PYROXD1: variants seen among roughly 807,000 people sequenced by gnomAD.
The protein encoded by PYROXD1 is pyridine nucleotide-disulphide oxidoreductase domain 1, also known as tRNA ligase complex-associated NAD(P)H dehydrogenase PYROXD1.
A neutral mutation model predicts 62.0 loss-of-function variants in PYROXD1; 42 were observed. The ratio of observed to expected loss-of-function variants is 0.68; its 90% CI spans 0.53 to 0.88. The LOEUF is 0.88. Ranked by LOEUF, PYROXD1 falls within the 40% of genes least tolerant of loss-of-function variation. The probability of loss-of-function intolerance (pLI) is 0.00; values close to 1 mark genes in which losing one functional copy is unlikely to be tolerated. For missense variants in PYROXD1, 493 were observed against 604.8 expected, an observed-to-expected ratio of 0.82 and a Z score of 1.94; for synonymous variants, 170 against 206.4, an observed-to-expected ratio of 0.82 and a Z score of 1.51.
intron 7 of PYROXD1, among the ~76,000 whole-genome samples, chr12:21,458,237 G>T (rs924208714): frequency 6.6e-6 from 1 of 152,148 alleles, no homozygotes; most frequent in African/African-American, 2.4e-5. Flanking sequence ...TAAACATCAT[G>T]AACCAACCTC....
chr12:21,460,234 T>TATTA (rs76516114), intron 7 of PYROXD1, among the ~76,000 whole-genome samples: 74,187 of 151,150 alleles, frequency 0.49, 18,229 homozygotes, highest in Middle Eastern at 0.59. Flanking sequence ...CAGATCCTAA[T>TATTA]ATTATATTTT....
rs1335901770 is a variant in PYROXD1, at chr12:21,437,798, T to A, written c.68T>A (p.Val23Asp). Residue 23 changes from valine (V) to aspartate (D), a missense_variant, in exon 1 of 12, where the codon GTC (valine) becomes GAC (aspartate). Val to Asp is a radical substitution (Grantham distance 152). Coordinates refer to ENST00000240651, the MANE Select transcript of PYROXD1 (RefSeq NM_024854.5). Reference protein sequence around the residue: ...FVVVGGGIAGVTCAEQLATHF... With the variant: ...FVVVGGGIAGDTCAEQLATHF... ...GTGGTCGGCGGCGGCATCGCGGGCG[T>A]CACTTGTGCGGAGCAGGTAGGGCGG... is the stretch of plus-strand genomic sequence containing the variant. 2 of 1,612,694 alleles carry A rather than the reference T, an allele frequency of 1.2e-6. No individual in the cohort carries two copies. Among genetic ancestry groups the A allele is most frequent in the East Asian group, 4.5e-5 (2 of 44,848 alleles).
intron 10 of PYROXD1, among the ~76,000 whole-genome samples, chr12:21,464,614 A>G (rs1942757763): frequency 1.3e-5 from 2 of 152,156 alleles, no homozygotes; most frequent in African/African-American, 4.8e-5. Flanking sequence ...ATAGTTACAG[A>G]GTAGGTAGTG....
intron 10 of PYROXD1, among the ~76,000 whole-genome samples, chr12:21,464,191 T>C (rs1942749733): frequency 6.7e-6 from 1 of 150,100 alleles, no homozygotes; most frequent in African/African-American, 2.5e-5. Flanking sequence ...TCTTAATGTG[T>C]TATAATCTGA....
chr12:21,459,049 C>G (rs1338433036), intron 7 of PYROXD1, among the ~76,000 whole-genome samples: 1 of 152,174 alleles, frequency 6.6e-6, no homozygotes, highest in Admixed American at 6.5e-5. Flanking sequence ...CTGCAGTTTT[C>G]TGGCACACAA....
intron 10 of PYROXD1, among the ~76,000 whole-genome samples, chr12:21,464,802 T>G (rs904753848): frequency 6.6e-6 from 1 of 152,050 alleles, no homozygotes; most frequent in African/African-American, 2.4e-5. Flanking sequence ...TGTATACATG[T>G]GCCATGTTGG....
chr12:21,451,849 G>A (rs1187131343), intron 4 of PYROXD1, among the ~76,000 whole-genome samples: 1 of 152,114 alleles, frequency 6.6e-6, no homozygotes, highest in Non-Finnish European at 1.5e-5. Flanking sequence ...AAAAGGAAAG[G>A]AAAATCAGGA....
chr12:21,467,261 T>A (rs1218357240), intron 10 of PYROXD1: 1 of 426,428 alleles, frequency 2.3e-6, no homozygotes, highest in Admixed American at 4.3e-5. Context: ...AAAACAGGTG[T>A]GATTGGTATC....
At chr12:21,448,208 C>T in intron 3 of PYROXD1, 1 of 594,152 alleles carries the variant, frequency 1.7e-6, no homozygotes, top group South Asian at 1.9e-5. Flanking sequence ...CATAGGTTTT[C>T]TCTTCCCCAT....
chr12:21,448,010 T>C, intron 3 of PYROXD1: 1 of 410,720 alleles, frequency 2.4e-6, no homozygotes, highest in East Asian at 4.1e-5. Flanking sequence ...TGCGTACTTT[T>C]GATAGCACGT....
At chr12:21,464,732 T>TA (rs1408723589) in intron 10 of PYROXD1, among the ~76,000 whole-genome samples, 10 of 122,458 alleles carry the variant, frequency 8.2e-5, no homozygotes, top group Non-Finnish European at 1.3e-4. Flanking sequence ...GTGTTTTTTT[T>TA]TTTTATTATT....
chr12:21,463,596 G>A (rs186254612), intron 10 of PYROXD1, among the ~76,000 whole-genome samples: 2 of 151,036 alleles, frequency 1.3e-5, no homozygotes, highest in East Asian at 3.9e-4. Flanking sequence ...GGAGGCTGAG[G>A]CACAAGAATC....
At chr12:21,457,798 A>C (rs1006132857) in intron 7 of PYROXD1, among the ~76,000 whole-genome samples, 1 of 51,104 alleles carries the variant, frequency 2.0e-5, no homozygotes, top group African/African-American at 7.4e-5. Context: ...AACTATTAGA[A>C]ACTGTCCCCA....
At chr12:21,445,300 G>C (rs763416807) in intron 2 of PYROXD1, 47 bp from the exon 3 acceptor site, 1 of 1,470,266 alleles carries the variant, frequency 6.8e-7, no homozygotes, top group East Asian at 2.5e-5. Flanking sequence ...ATTCTTGAAA[G>C]AAAATACTTT....
intron 7 of PYROXD1, among the ~76,000 whole-genome samples, chr12:21,460,238 A>AAT (rs1942669478): frequency 6.6e-6 from 1 of 150,500 alleles, no homozygotes; most frequent in Non-Finnish European, 1.5e-5. Context: ...TCCTAATATT[A>AAT]TATTTTTAAC....
chr12:21,462,955 A>G (rs1942726813), intron 10 of PYROXD1, 93 bp downstream of exon 10: 3 of 1,318,062 alleles, frequency 2.3e-6, no homozygotes, highest in African/African-American at 3.0e-5. Flanking sequence ...TGGTTTTCCA[A>G]CTTTTCTGCT....
chr12:21,461,206 ACAATT>A, intron 8 of PYROXD1, 52 bp downstream of exon 8: 3 of 1,077,526 alleles, frequency 2.8e-6, no homozygotes, highest in Non-Finnish European at 3.8e-6. Context: ...TAAAAGGAAA[ACAATT>A]TAATCCTGCT....
At chr12:21,446,558 A>G (rs1418494362) in intron 3 of PYROXD1, among the ~76,000 whole-genome samples, 2 of 151,468 alleles carry the variant, frequency 1.3e-5, no homozygotes, top group Admixed American at 1.3e-4. Flanking sequence ...AGTGTTGAGC[A>G]TGAACAAGTG....
At chr12:21,452,979 C>G (rs1263604286) in intron 5 of PYROXD1, among the ~76,000 whole-genome samples, 1 of 151,974 alleles carries the variant, frequency 6.6e-6, no homozygotes, top group Non-Finnish European at 1.5e-5. Context: ...TCTTAAATTG[C>G]CTGAGTACTA....
Sources: allele counts gnomAD v4.1 joint callset (sites outside exome capture counted in the v4.1 genomes callset), GRCh38; gene constraint gnomAD v4.1.1; transcripts MANE v1.5; gene names NCBI Gene and HGNC (gene_info 2026-07-23, HGNC 2026-07-21).